The following TRAF3IP1 variants were observed in gnomAD, a reference collection of about 807,000 sequenced individuals.
TRAF3IP1 encodes the protein TRAF3-interacting protein 1.
In TRAF3IP1, 53 loss-of-function variants were observed where a neutral mutation model predicts 89.9. That is an observed-to-expected ratio of 0.59 (90% CI 0.47 to 0.74). The LOEUF is 0.74. TRAF3IP1 is among the 30% of genes least tolerant of loss of function. The probability of loss-of-function intolerance (pLI) is 0.00; values close to 1 mark genes in which losing one functional copy is unlikely to be tolerated. For synonymous variants in TRAF3IP1, 311 were observed against 322.1 expected (o/e 0.97, Z 0.37); for missense variants, 806 against 866.1 (o/e 0.93, Z 0.87).
intron 8 of TRAF3IP1, among the ~76,000 whole-genome samples, chr2:238,341,532 C>CTT (rs781399446): frequency 9.1e-5 from 10 of 110,228 alleles, no homozygotes; most frequent in Admixed American, 2.5e-4. Flanking sequence ...TTTTTCTATT[C>CTT]TTTTTTTTTT....
rs189771303 is a variant in TRAF3IP1 at position 238,395,274 on chromosome 2, C to A, written c.1690-2185C>A. On this transcript the variant is annotated intron_variant, in intron 15 of 16. Transcript: ENST00000373327. ...CTTTGACAAACCTGACAAAAACAAG[C>A]AATGGGGAAATGTTTCCCTATTTAA... 2.6e-3 allele frequency among the ~76,000 whole-genome samples: 403 copies of A among 152,234 alleles called. 1 individual carries two copies. Among genetic ancestry groups the A allele is most frequent in the Admixed American group, 6.6e-3 (101 of 15,300 alleles).
At position 238,334,053 on chromosome 2, in the gene TRAF3IP1, T is replaced by A; in HGVS notation, c.1063+18T>A. The A allele has an allele frequency of 6.3e-7, 1 of 1,579,698 alleles. No homozygotes were observed. The highest frequency in any genetic ancestry group is 8.6e-7 in the Non-Finnish European group (1 of 1,159,708). ...AGTGGAAGGTACTGCAAAACTTATA[T>A]ATGTAGCTGAAAATATGGATATTAG... On this transcript the variant is annotated intron_variant, in intron 7 of 16. Transcript: ENST00000373327.
chr2:238,386,769 TG>T (rs1215346098), intron 15 of TRAF3IP1, among the ~76,000 whole-genome samples: 4 of 152,222 alleles, frequency 2.6e-5, no homozygotes, highest in African/African-American at 9.6e-5. Context: ...TTCTCTGTTT[TG>T]TGTTCTGATC....
intron 8 of TRAF3IP1, among the ~76,000 whole-genome samples, chr2:238,339,450 C>T (rs9784157): frequency 0.12 from 17,755 of 152,192 alleles, 1,759 homozygotes; most frequent in African/African-American, 0.27. Context: ...CATCTCCAGG[C>T]GCCTGGGGGG....
chr2:238,348,970 T>C (rs1170692832), intron 11 of TRAF3IP1, 122 bp downstream of exon 11: 17 of 782,802 alleles, frequency 2.2e-5, no homozygotes, highest in South Asian at 5.1e-5. Context: ...GAATTACTTA[T>C]ACAAAGAATA....
intron 11 of TRAF3IP1, among the ~76,000 whole-genome samples, chr2:238,349,112 T>G (rs1699030911): frequency 6.6e-6 from 1 of 152,206 alleles, no homozygotes; most frequent in African/African-American, 2.4e-5. Flanking sequence ...GTTGGTATTT[T>G]GAAATTACTG....
chr2:238,354,515 G>A (rs821805), intron 14 of TRAF3IP1, among the ~76,000 whole-genome samples: 109,310 of 152,162 alleles, frequency 0.72, 39,456 homozygotes, highest in Middle Eastern at 0.77. Context: ...GCTCCCAGCA[G>A]CAGCGGCTGT....
intron 11 of TRAF3IP1, 87 bp from the exon 12 acceptor site, chr2:238,349,238 G>A: frequency 3.9e-6 from 5 of 1,277,352 alleles, no homozygotes; most frequent in Non-Finnish European, 5.5e-6. Context: ...GGAGATGAGA[G>A]TTAACATTCA....
intron 3 of TRAF3IP1, among the ~76,000 whole-genome samples, chr2:238,328,090 G>A (rs1259804191): frequency 6.6e-6 from 1 of 151,990 alleles, no homozygotes; most frequent in African/African-American, 2.4e-5. Context: ...CTATTTTTTT[G>A]GATAAATACC....
At chr2:238,354,560 G>A (rs1699317550) in intron 14 of TRAF3IP1, among the ~76,000 whole-genome samples, 1 of 152,112 alleles carries the variant, frequency 6.6e-6, no homozygotes, top group Admixed American at 6.5e-5. Flanking sequence ...TGCTCACATA[G>A]CAATTTTAGA....
intron 15 of TRAF3IP1, among the ~76,000 whole-genome samples, chr2:238,396,391 A>T (rs1391405130): frequency 1.3e-4 from 6 of 46,478 alleles, no homozygotes; most frequent in African/African-American, 5.4e-4. Flanking sequence ...GGGTGGGGGG[A>T]GGGGGGAGGG....
At chr2:238,364,065 T>C (rs1331396423) in intron 15 of TRAF3IP1, among the ~76,000 whole-genome samples, 2 of 152,244 alleles carry the variant, frequency 1.3e-5, no homozygotes, top group Non-Finnish European at 2.9e-5. Flanking sequence ...GCTTATTTTC[T>C]CTCTGTCTCA....
chr2:238,367,229 G>A (rs1699922386), intron 15 of TRAF3IP1, among the ~76,000 whole-genome samples: 1 of 133,550 alleles, frequency 7.5e-6, no homozygotes, highest in South Asian at 2.6e-4. Context: ...ATAGAATTTA[G>A]TCACATTGAC....
chr2:238,356,124 TTTC>T (rs1455180157), intron 15 of TRAF3IP1, 44 bp downstream of exon 15: 1 of 1,431,004 alleles, frequency 7.0e-7, no homozygotes, highest in South Asian at 1.2e-5. Context: ...TAGCAGTCTG[TTTC>T]ATGCATTTAC....
At chr2:238,355,425 G>A (rs774699012) in intron 14 of TRAF3IP1, among the ~76,000 whole-genome samples, 3 of 152,272 alleles carry the variant, frequency 2.0e-5, no homozygotes, top group African/African-American at 4.8e-5. Context: ...TAATTTGACA[G>A]CAGATGCAGG....
intron 7 of TRAF3IP1, among the ~76,000 whole-genome samples, chr2:238,335,770 A>ATTTTAT (rs200286276): frequency 1.1e-4 from 1 of 9,170 alleles, no homozygotes; most frequent in African/African-American, 3.2e-4. Context: ...ATTTTATTTT[A>ATTTTAT]TTTATTTATT....
chr2:238,380,411 G>A (rs1417833559), intron 15 of TRAF3IP1, among the ~76,000 whole-genome samples: 1 of 152,162 alleles, frequency 6.6e-6, no homozygotes, highest in African/African-American at 2.4e-5. Flanking sequence ...CCTCTCCCCC[G>A]GGTCCCTGAG....
intron 15 of TRAF3IP1, among the ~76,000 whole-genome samples, chr2:238,393,125 CTG>C (rs925369653): frequency 2.0e-5 from 3 of 152,190 alleles, no homozygotes; most frequent in African/African-American, 7.2e-5. Context: ...AACTGCCAAA[CTG>C]TGTTCCAGAG....
chr2:238,372,150 C>CT (rs1700135832), intron 15 of TRAF3IP1, among the ~76,000 whole-genome samples: 1 of 152,054 alleles, frequency 6.6e-6, no homozygotes, highest in African/African-American at 2.4e-5. Context: ...TTTTATTATA[C>CT]TTTAAGTTCT....
Sources: allele counts gnomAD v4.1 joint callset (sites outside exome capture counted in the v4.1 genomes callset), GRCh38; gene constraint gnomAD v4.1.1; transcripts MANE v1.5; gene names NCBI Gene and HGNC (gene_info 2026-07-23, HGNC 2026-07-21).